The following TIMMDC1 variants were observed in gnomAD, a reference collection of about 807,000 sequenced individuals.
The protein encoded by TIMMDC1 is complex I assembly factor TIMMDC1, mitochondrial.
TIMMDC1 carries 25 observed loss-of-function variants against 32.6 expected under a neutral mutation model. The observed-to-expected ratio is 0.77, with a 90% CI of 0.56 to 1.07. TIMMDC1 has a LOEUF of 1.07. TIMMDC1 is among the 50% of genes least tolerant of loss of function. TIMMDC1 has a pLI of 0.00. For synonymous variants in TIMMDC1, 130 were observed against 127.6 expected (o/e 1.02, Z -0.13); for missense variants, 329 against 349.2 (o/e 0.94, Z 0.46).
At chr3:119,523,286 T>G (rs2082041624) in intron 6 of TIMMDC1, among the ~76,000 whole-genome samples, 2 of 152,152 alleles carry the variant, frequency 1.3e-5, no homozygotes, top group South Asian at 4.1e-4. Context: ...ACTTCAAGCC[T>G]TCACACCTTA....
intron 4 of TIMMDC1, among the ~76,000 whole-genome samples, chr3:119,505,563 C>T (rs2081913373): frequency 6.6e-6 from 1 of 152,152 alleles, no homozygotes; most frequent in African/African-American, 2.4e-5. Flanking sequence ...GAAGGGGTTT[C>T]TCCATGTTGG....
rs767812261 is a variant in TIMMDC1, at chr3:119,498,911, G to A, written c.178G>A (p.Glu60Lys). The A allele has an allele frequency of 6.2e-7, 1 of 1,613,986 alleles. No individual in the cohort carries two copies. Among genetic ancestry groups the A allele is most frequent in the African/African-American group, 1.3e-5 (1 of 74,914 alleles). ...GGAATCTGGATGGGACCGCCTCCGGGAGCTGTTTGGCAAAGAGTAAAAGTG... is the reference window on the plus strand; with the variant it reads ...GGAATCTGGATGGGACCGCCTCCGGAAGCTGTTTGGCAAAGAGTAAAAGTG... ...YPESGWDRLR[E>K]LFGKDEQQRI... Residue 60 changes from glutamate (E) to lysine (K), a missense_variant, in exon 1 of 7, where the codon GAG becomes AAG. Physicochemically the swap from Glu to Lys is moderately conservative, Grantham distance 56. Coordinates refer to ENST00000494664, the MANE Select transcript of TIMMDC1 (RefSeq NM_016589.4).
chr3:119,507,619 T>A (rs1448993508), intron 4 of TIMMDC1, among the ~76,000 whole-genome samples: 1 of 152,214 alleles, frequency 6.6e-6, no homozygotes, highest in Non-Finnish European at 1.5e-5. Flanking sequence ...ATATGGTAAG[T>A]CCAGTATCCC....
chr3:119,507,882 T>C (rs1420434297), intron 4 of TIMMDC1, among the ~76,000 whole-genome samples: 4 of 152,206 alleles, frequency 2.6e-5, no homozygotes, highest in Admixed American at 2.0e-4. Context: ...AACTGTTAAC[T>C]TCACAAGTGC....
chr3:119,514,047 A>G (rs1028383273), intron 5 of TIMMDC1, among the ~76,000 whole-genome samples: 3 of 152,236 alleles, frequency 2.0e-5, no homozygotes, highest in African/African-American at 4.8e-5. Flanking sequence ...ACCTGAAACT[A>G]TAGTTCGAAC....
chr3:119,503,744 T>G, intron 3 of TIMMDC1, 124 bp downstream of exon 3: 3 of 886,008 alleles, frequency 3.4e-6, no homozygotes, highest in Non-Finnish European at 5.1e-6. Context: ...ATGCCTTTTT[T>G]TTTTTTTCAA....
chr3:119,524,509 A>G lies in TIMMDC1; in HGVS notation c.*753A>G, dbSNP rs1322936016. 4 of 152,246 alleles carry G rather than the reference A, an allele frequency of 2.6e-5. No individual in the cohort carries two copies. The highest frequency in any genetic ancestry group is 4.8e-5 in the African/African-American group (2 of 41,478). 9.4% of individuals were successfully genotyped at this position (152,246 alleles called of 1,614,324 possible). On this transcript the variant is annotated 3_prime_UTR_variant, in exon 7 of 7. Coordinates refer to ENST00000494664, the MANE Select transcript of TIMMDC1 (RefSeq NM_016589.4). The stretch of plus-strand genomic sequence containing the variant: ...GACCTCTCTGCCCTACACTGAGAAT[A>G]TAGTTTTACACAGGAGCAAGGTTTG...
At chr3:119,501,006 A>G in intron 2 of TIMMDC1, 146 bp downstream of exon 2, 1 of 744,866 alleles carries the variant, frequency 1.3e-6, no homozygotes, top group Non-Finnish European at 2.1e-6. Flanking sequence ...TAACAGTGGA[A>G]GTACTAATGT....
intron 4 of TIMMDC1, among the ~76,000 whole-genome samples, chr3:119,508,770 G>A (rs2081934691): frequency 6.6e-6 from 1 of 152,184 alleles, no homozygotes; most frequent in African/African-American, 2.4e-5. Flanking sequence ...TATTATATGT[G>A]TAATAAACCT....
chr3:119,514,254 C>T (rs554464090), intron 5 of TIMMDC1, among the ~76,000 whole-genome samples: 3 of 152,232 alleles, frequency 2.0e-5, no homozygotes, highest in East Asian at 1.9e-4. Flanking sequence ...TACCCTTCAC[C>T]TAGATTCACC....
intron 3 of TIMMDC1, 102 bp from the exon 4 acceptor site, chr3:119,503,852 G>T: frequency 2.8e-6 from 3 of 1,056,580 alleles, no homozygotes; most frequent in Non-Finnish European, 4.2e-6. Context: ...GATTGATATA[G>T]TAGGCTTTTC....
intron 2 of TIMMDC1, among the ~76,000 whole-genome samples, chr3:119,501,772 T>G (rs1030315132): frequency 5.3e-5 from 8 of 152,360 alleles, no homozygotes; most frequent in Non-Finnish European, 7.3e-5. Context: ...TTGCCTGTTA[T>G]GCTGCTTTGG....
At chr3:119,500,465 G>A (rs948025168) in intron 1 of TIMMDC1, 25 of 421,814 alleles carry the variant, frequency 5.9e-5, no homozygotes, top group African/African-American at 4.7e-4. Context: ...GCCTTTTCCG[G>A]TCATTGTCTT....
intron 2 of TIMMDC1, 30 bp from the exon 3 acceptor site, chr3:119,503,502 A>T: frequency 6.5e-7 from 1 of 1,548,390 alleles, no homozygotes; most frequent in Non-Finnish European, 8.8e-7. Flanking sequence ...ATGGTGTCTT[A>T]GAACCTCACA....
rs572408380 is a variant in TIMMDC1, at chr3:119,504,091, A to C, written c.517+70A>C. 1.1e-5 allele frequency: 13 copies of C among 1,173,304 alleles called. 1 individual carries two copies. In the South Asian group the frequency reaches 1.4e-4, roughly 13 times the overall value. The allele number at this position is 1,173,304 out of a possible 1,614,324, so 72.7% of individuals were successfully genotyped here. A position where few individuals can be genotyped will look rare whatever the true frequency, so the allele number is the denominator to read the frequency against. The stretch of plus-strand genomic sequence containing the variant: ...TTAGAAAATGTGTAAGGACTTATAC[A>C]TCAGAACTACTGAATTCTTTGGTTG... On this transcript the variant is annotated intron_variant, in intron 4 of 6. Transcript: ENST00000494664.
At chr3:119,501,646 AAAAT>A (rs1214711123) in intron 2 of TIMMDC1, among the ~76,000 whole-genome samples, 2 of 152,192 alleles carry the variant, frequency 1.3e-5, no homozygotes, top group East Asian at 1.9e-4. Flanking sequence ...ATTTATTTTA[AAAAT>A]AAATAAAAAA....
At chr3:119,503,892 T>C in intron 3 of TIMMDC1, 62 bp from the exon 4 acceptor site, 1 of 1,402,358 alleles carries the variant, frequency 7.1e-7, no homozygotes, top group Middle Eastern at 1.8e-4. Flanking sequence ...AAAATAACAC[T>C]CAAGAAGGTA....
intron 1 of TIMMDC1, 37 bp downstream of exon 1, chr3:119,498,964 C>G (rs2081846740): frequency 6.2e-7 from 1 of 1,601,768 alleles, no homozygotes; most frequent in Non-Finnish European, 8.5e-7. Context: ...GGTAGGGGGC[C>G]GCGAAAGCGG....
chr3:119,501,062 A>G (rs2081871062), intron 2 of TIMMDC1, among the ~76,000 whole-genome samples: 1 of 152,252 alleles, frequency 6.6e-6, no homozygotes, highest in African/African-American at 2.4e-5. Context: ...TTATCTTCAG[A>G]ACAGGCATGT....
Sources: allele counts gnomAD v4.1 joint callset (sites outside exome capture counted in the v4.1 genomes callset), GRCh38; gene constraint gnomAD v4.1.1; transcripts MANE v1.5; gene names NCBI Gene and HGNC (gene_info 2026-07-23, HGNC 2026-07-21).